NAXD: variants seen among roughly 807,000 people sequenced by gnomAD.
NAXD encodes the protein ATP-dependent (S)-NAD(P)H-hydrate dehydratase.
In NAXD, 22 loss-of-function variants were observed where a neutral mutation model predicts 35.8. The ratio of observed to expected loss-of-function variants is 0.62; its 90% CI spans 0.44 to 0.88. The LOEUF is 0.88. Ranked by LOEUF, NAXD falls within the 40% of genes least tolerant of loss-of-function variation. NAXD has a pLI of 0.00. For missense variants in NAXD, 428 were observed against 437.7 expected (o/e 0.98, Z 0.20); for synonymous variants, 189 against 177.6 (o/e 1.06, Z -0.51).
intron 8 of NAXD, 88 bp downstream of exon 8, chr13:110,635,676 G>A (rs1360197952): frequency 1.4e-5 from 21 of 1,450,304 alleles, no homozygotes; most frequent in South Asian, 8.6e-5. Flanking sequence ...GACCTCTCCC[G>A]TGCACACCCG....
rs186462861 is a variant in NAXD, at chr13:110,636,038, T to C, written c.718+450T>C. 6.8e-4 allele frequency among the ~76,000 whole-genome samples: 103 copies of C among 152,350 alleles called. 2 individuals carry two copies. Among genetic ancestry groups the C allele is most frequent in the African/African-American group, 2.0e-3 (84 of 41,586 alleles). On this transcript the variant is annotated intron_variant, in intron 8 of 9. Coordinates refer to ENST00000680254, the MANE Select transcript of NAXD (RefSeq NM_001242882.2). The stretch of plus-strand genomic sequence containing the variant: ...GTGCAGAAAGCCCCGAAGCTGATGC[T>C]GGTAGTGGAATCTCAGGCACTGAGT...
chr13:110,634,487 C>T, intron 5 of NAXD, 58 bp from the exon 6 acceptor site: 8 of 1,553,680 alleles, frequency 5.1e-6, no homozygotes, highest in Non-Finnish European at 7.1e-6. Flanking sequence ...TTTGAGAAGA[C>T]ACATACCCAC....
chr13:110,625,430 C>G, intron 4 of NAXD, 152 bp downstream of exon 4: 5 of 639,758 alleles, frequency 7.8e-6, no homozygotes, highest in East Asian at 2.7e-5. Flanking sequence ...TGAAGGAGCC[C>G]GTTCTTCTGG....
intron 9 of NAXD, among the ~76,000 whole-genome samples, chr13:110,637,537 G>A (rs1421738251): frequency 2.0e-5 from 3 of 152,216 alleles, no homozygotes; most frequent in Non-Finnish European, 4.4e-5. Flanking sequence ...GCTGTTCTGG[G>A]AAGTTGAGTG....
intron 4 of NAXD, among the ~76,000 whole-genome samples, chr13:110,626,004 C>G (rs1354650604): frequency 6.6e-6 from 1 of 152,086 alleles, no homozygotes; most frequent in Non-Finnish European, 1.5e-5. Flanking sequence ...TGGGTCGAGC[C>G]CGGCCTCTCC....
intron 4 of NAXD, 54 bp from the exon 5 acceptor site, chr13:110,627,385 G>A (rs1294873360): frequency 1.2e-5 from 13 of 1,102,412 alleles, no homozygotes; most frequent in Non-Finnish European, 1.7e-5. Context: ...ATACATGACA[G>A]TAAGTAAATG....
At chr13:110,634,936 C>T (rs1185170819) in intron 7 of NAXD, among the ~76,000 whole-genome samples, 160 bp downstream of exon 7, 5 of 152,204 alleles carry the variant, frequency 3.3e-5, no homozygotes, top group Non-Finnish European at 7.3e-5. Context: ...CATTAATGCG[C>T]TTGGATTGGA....
rs1261650186 is a variant in NAXD, at chr13:110,638,186, G to T, written c.840-192G>T. The T allele has an allele frequency of 6.7e-7, 1 of 1,483,342 alleles. No homozygotes were observed. The highest frequency in any genetic ancestry group is 2.3e-5 in the East Asian group (1 of 43,802). The allele number at this position is 1,483,342 out of a possible 1,614,324, so 91.9% of individuals were successfully genotyped here. A position where few individuals can be genotyped will look rare whatever the true frequency, so the allele number is the denominator to read the frequency against. The stretch of plus-strand genomic sequence containing the variant: ...ACGTTTCCTGTGTGCCTCCTGCCAG[G>T]GAGTAGTGGAGGGTTAATGGTGGTT... On this transcript the variant is annotated intron_variant, in intron 9 of 9. Transcript: ENST00000680254. The surrounding 1 kb of genome is among the most constrained non-coding windows in gnomAD (Gnocchi z 5.4).
intron 1 of NAXD, 115 bp downstream of exon 1, chr13:110,615,762 C>T: frequency 7.0e-7 from 1 of 1,424,132 alleles, no homozygotes. Flanking sequence ...GTACGGGCCG[C>T]CACTGGACGC....
At chr13:110,629,374 A>G (rs1014076821) in intron 5 of NAXD, among the ~76,000 whole-genome samples, 10 of 152,294 alleles carry the variant, frequency 6.6e-5, no homozygotes, top group African/African-American at 2.4e-4. Flanking sequence ...GGCTTCAAGT[A>G]TATTCATAGT....
intron 5 of NAXD, among the ~76,000 whole-genome samples, chr13:110,632,123 T>C (rs1317098747): frequency 1.5e-5 from 2 of 129,640 alleles, no homozygotes; most frequent in Non-Finnish European, 3.3e-5. Flanking sequence ...CCTTCTGATG[T>C]TCAGATGTGT....
chr13:110,634,944 G>A (rs1230811295), intron 7 of NAXD, among the ~76,000 whole-genome samples, 168 bp downstream of exon 7: 1 of 152,220 alleles, frequency 6.6e-6, no homozygotes, highest in Non-Finnish European at 1.5e-5. Flanking sequence ...CGCTTGGATT[G>A]GATGAACGAT....
At chr13:110,624,860 A>T (rs1159375936) in intron 3 of NAXD, among the ~76,000 whole-genome samples, 1 of 152,178 alleles carries the variant, frequency 6.6e-6, no homozygotes, top group African/African-American at 2.4e-5. Context: ...GAAGCCGCTG[A>T]TCCTGCAGTT....
At position 110,619,770 on chromosome 13, in the gene NAXD, G is replaced by A. The variant is rs1236072977; in HGVS notation, c.47-2446G>A. On this transcript the variant is annotated intron_variant, in intron 1 of 9. Coordinates refer to ENST00000680254, the MANE Select transcript of NAXD (RefSeq NM_001242882.2). ...TTCAGTGCATAGAACAGCTCCCCAC[G>A]ACAAAGACAGGATGCTGATCGATAC... is the stretch of plus-strand genomic sequence containing the variant. Among the ~76,000 whole-genome samples, 3 of 152,236 alleles carry A rather than the reference G, an allele frequency of 2.0e-5. No individual in the cohort carries two copies. The South Asian group carries it at 6.2e-4, about 32-fold the overall frequency.
Position 110,630,767 on chromosome 13 carries a change from G to A in NAXD, c.441+3220G>A, listed in dbSNP as rs142514926. ...AGCTGTTGCAGCACCATGTGCTGGA[G>A]AGACTCCTTTTTCCTCCCAACTTGT... On this transcript the variant is annotated intron_variant, in intron 5 of 9. Transcript: ENST00000680254. 1.7e-3 allele frequency among the ~76,000 whole-genome samples: 266 copies of A among 152,232 alleles called. 1 individual carries two copies. Among genetic ancestry groups the A allele is most frequent in the Middle Eastern group, 3.4e-3 (1 of 294 alleles).
intron 9 of NAXD, chr13:110,637,645 ACAG>A (rs1409884818): frequency 5.1e-6 from 2 of 392,224 alleles, no homozygotes; most frequent in Non-Finnish European, 1.0e-5. Flanking sequence ...TCTTTAAGAG[ACAG>A]CAGAATTCTA....
At chr13:110,627,893 C>G (rs1594176496) in intron 5 of NAXD, among the ~76,000 whole-genome samples, 2 of 152,128 alleles carry the variant, frequency 1.3e-5, no homozygotes, top group East Asian at 1.9e-4. Context: ...CAGGCCACCC[C>G]CTTCTTGCTG....
chr13:110,633,992 C>T (rs906789637), intron 5 of NAXD, among the ~76,000 whole-genome samples: 6 of 152,200 alleles, frequency 3.9e-5, no homozygotes, highest in African/African-American at 1.4e-4. Flanking sequence ...GGGCTGTCTT[C>T]ATGGGTTAGC....
At chr13:110,620,473 A>G (rs1594168245) in intron 1 of NAXD, among the ~76,000 whole-genome samples, 1 of 151,090 alleles carries the variant, frequency 6.6e-6, no homozygotes, top group Admixed American at 6.6e-5. Flanking sequence ...CCAGCTACTC[A>G]GGAGGCTGAC....
Sources: gnomAD v4.1 joint callset for allele counts (sites outside exome capture counted in the v4.1 genomes callset) on GRCh38, gnomAD v4.1.1 for gene constraint, Gnocchi (gnomAD v3.1) non-coding constraint, MANE v1.5 for transcripts, NCBI Gene and HGNC (gene_info 2026-07-23, HGNC 2026-07-21) for gene names.